Variants in VNN1 observed in about 807,000 individuals in gnomAD.
VNN1 encodes the protein pantetheinase.
A neutral mutation model predicts 41.9 loss-of-function variants in VNN1; 29 were observed. The observed-to-expected ratio is 0.69, with a 90% CI of 0.52 to 0.94. VNN1 has a LOEUF of 0.94. VNN1 is among the 40% of genes least tolerant of loss of function. The pLI is 0.00. For synonymous variants in VNN1, 233 were observed against 224.4 expected, an observed-to-expected ratio of 1.04 and a Z score of -0.34; for missense variants, 637 against 621.1, an observed-to-expected ratio of 1.03 and a Z score of -0.27.
chr6:132,685,463 C>T (rs897136199), intron 5 of VNN1, among the ~76,000 whole-genome samples: 10 of 152,178 alleles, frequency 6.6e-5, no homozygotes, highest in African/African-American at 2.4e-4. Context: ...GTAGAATGAA[C>T]ATATGCTTCA....
At chr6:132,705,982 G>T (rs888820249) in intron 2 of VNN1, among the ~76,000 whole-genome samples, 1 of 152,044 alleles carries the variant, frequency 6.6e-6, no homozygotes, top group Non-Finnish European at 1.5e-5. Flanking sequence ...CTACAATGAA[G>T]TCTGTAAAAC....
chr6:132,684,246 A>G lies in VNN1; in HGVS notation c.1359+89T>C, dbSNP rs1778173161. 18 of 1,321,896 alleles carry G rather than the reference A, an allele frequency of 1.4e-5. No homozygotes were observed. In the East Asian group the frequency reaches 4.5e-4, roughly 33 times the overall value. 81.9% of individuals were successfully genotyped at this position (1,321,896 alleles called of 1,614,324 possible). A position where few individuals can be genotyped will look rare whatever the true frequency, so the allele number is the denominator to read the frequency against. On this transcript the variant is annotated intron_variant, in intron 6 of 6. Transcript: ENST00000367928. ...CTTAACCTTTCTAAATGGAAATTTT[A>G]TGATATTTGTAAGCACTTGAGCAGA...
chr6:132,703,078 C>G (rs921125145), intron 2 of VNN1, among the ~76,000 whole-genome samples: 1 of 152,196 alleles, frequency 6.6e-6, no homozygotes, highest in Non-Finnish European at 1.5e-5. Flanking sequence ...TCCTCAATTC[C>G]AGGACTTAGC....
intron 2 of VNN1, among the ~76,000 whole-genome samples, chr6:132,699,842 C>T (rs1778426319): frequency 6.6e-6 from 1 of 152,188 alleles, no homozygotes; most frequent in South Asian, 2.1e-4. Context: ...GCATTTACTA[C>T]ACAGAAAATA....
chr6:132,703,305 G>C (rs957267275), intron 2 of VNN1, among the ~76,000 whole-genome samples: 26 of 152,004 alleles, frequency 1.7e-4, no homozygotes, highest in South Asian at 4.1e-4. Context: ...ATCTTGAGTA[G>C]AAAAACTAAA....
intron 2 of VNN1, among the ~76,000 whole-genome samples, chr6:132,698,515 A>C (rs112950417): frequency 6.6e-6 from 1 of 152,234 alleles, no homozygotes; most frequent in African/African-American, 2.4e-5. Flanking sequence ...TGAAGAAACA[A>C]TGTGTGCACA....
chr6:132,693,075 T>A lies in VNN1; in HGVS notation c.775A>T (p.Arg259Trp). The A allele has an allele frequency of 6.2e-7, 1 of 1,613,980 alleles. No homozygotes were observed. Among genetic ancestry groups the A allele is most frequent in the South Asian group, 1.1e-5 (1 of 91,068 alleles). Residue 259 changes from arginine (R) to tryptophan (W), a missense_variant, in exon 4 of 7, where the codon AGG (arginine) becomes TGG (tryptophan). By Grantham distance (101) the Arg-to-Trp change is moderately radical (BLOSUM62 -3). Coordinates refer to ENST00000367928, the MANE Select transcript of VNN1 (RefSeq NM_004666.3). The part of the protein sequence containing the change: ...EFHSAWAMGM[R>W]VNFLASNIHY... The stretch of plus-strand genomic sequence containing the variant: ...ATGTTGGATGCAAGGAAATTGACCC[T>A]CATGCCCATAGCCCAAGCTGAGTGG...
intron 5 of VNN1, among the ~76,000 whole-genome samples, chr6:132,689,574 T>G (rs530727538): frequency 4.6e-5 from 7 of 152,344 alleles, no homozygotes; most frequent in African/African-American, 1.7e-4. Context: ...AGATGTTCTC[T>G]TTTTAAATTT....
Position 132,692,350 on chromosome 6 carries a change from T to A in VNN1, c.1061A>T (p.Tyr354Phe), listed in dbSNP as rs977175403. Residue 354 changes from tyrosine to phenylalanine, a missense_variant, in exon 5 of 7, where the codon TAT becomes TTT. Coordinates refer to ENST00000367928, the MANE Select transcript of VNN1 (RefSeq NM_004666.3). Reference protein sequence around the residue: ...FVKLTGVAGNYTVCQKDLCCH... With the variant: ...FVKLTGVAGNFTVCQKDLCCH... Reference sequence around the variant, plus strand: ...GCAGAGATCTTTCTGACAAACTGTATAATTTCCTGCAACTCCTGTGAGCTT... The same window carrying A: ...GCAGAGATCTTTCTGACAAACTGTAAAATTTCCTGCAACTCCTGTGAGCTT... The A allele has an allele frequency of 1.1e-5, 17 of 1,614,096 alleles. No homozygotes were observed. In the Admixed American group the frequency reaches 2.0e-4, roughly 19 times the overall value.
Position 132,683,034 on chromosome 6 carries a change from A to G in VNN1, c.*106T>C, listed in dbSNP as rs1582765253. ...GTGTTTGTCTAAATAAAGAGAAACT[A>G]GTAATTCACTTATACTAGAGGATAA... is the stretch of plus-strand genomic sequence containing the variant. On this transcript the variant is annotated 3_prime_UTR_variant, in exon 7 of 7. Coordinates refer to ENST00000367928, the MANE Select transcript of VNN1 (RefSeq NM_004666.3). The G allele has an allele frequency of 1.0e-5, 9 of 904,136 alleles. No homozygotes were observed. In the East Asian group the frequency reaches 2.5e-4, roughly 25 times the overall value. The allele number at this position is 904,136 out of a possible 1,614,324, so 56.0% of individuals were successfully genotyped here.
At chr6:132,690,095 G>T (rs1285869126) in intron 5 of VNN1, among the ~76,000 whole-genome samples, 5 of 152,076 alleles carry the variant, frequency 3.3e-5, no homozygotes, top group Admixed American at 6.6e-5. Context: ...ACACAGTCTT[G>T]GTCCAGACCC....
At chr6:132,685,248 A>C (rs1410463150) in intron 5 of VNN1, among the ~76,000 whole-genome samples, 4 of 152,352 alleles carry the variant, frequency 2.6e-5, no homozygotes, top group Middle Eastern at 3.4e-3. Context: ...TATGTGAGTC[A>C]TCTCACCATG....
At chr6:132,700,262 T>C (rs1458612766) in intron 2 of VNN1, among the ~76,000 whole-genome samples, 2 of 152,194 alleles carry the variant, frequency 1.3e-5, no homozygotes, top group Non-Finnish European at 2.9e-5. Flanking sequence ...AGTAGTTATA[T>C]GCTTGGTCAC....
chr6:132,707,155 G>A (rs993924948), intron 2 of VNN1, among the ~76,000 whole-genome samples: 35 of 151,468 alleles, frequency 2.3e-4, no homozygotes, highest in Admixed American at 2.0e-3. Context: ...GAACCCAGGA[G>A]GCAGAGGTTG....
chr6:132,698,792 G>T, intron 2 of VNN1: 1 of 215,432 alleles, frequency 4.6e-6, no homozygotes. Flanking sequence ...GATGATAGAG[G>T]TACTGAAACC....
chr6:132,707,337 G>A (rs1249065112), intron 2 of VNN1, among the ~76,000 whole-genome samples: 1 of 152,050 alleles, frequency 6.6e-6, no homozygotes, highest in Admixed American at 6.6e-5. Flanking sequence ...CTCATACACT[G>A]TTAGTGGGAA....
rs1778638715 is a variant in VNN1 at position 132,714,021 on chromosome 6, C to A, written c.15G>T (p.Leu5Phe). 1 of 1,612,870 alleles carries A rather than the reference C, an allele frequency of 6.2e-7. No individual in the cohort carries two copies. The highest frequency in any genetic ancestry group is 2.2e-5 in the East Asian group (1 of 44,784). The change falls in exon 1 of 7, where the codon TTG becomes TTT. Residue 5 changes from leucine (L) to phenylalanine (F), a missense_variant. Leu to Phe is a conservative substitution (Grantham distance 22). Coordinates refer to ENST00000367928, the MANE Select transcript of VNN1 (RefSeq NM_004666.3). Reference sequence around the variant, plus strand: ...AAAGCAAAATTGCCACGTAAGCTGGCAACTGAGTAGTCATGCTGAAGTCCA... The same window carrying A: ...AAAGCAAAATTGCCACGTAAGCTGGAAACTGAGTAGTCATGCTGAAGTCCA... MTTQLPAYVAILLFY... is the reference protein window; with the variant it reads MTTQFPAYVAILLFY...
At chr6:132,711,591 T>C in intron 2 of VNN1, 118 bp downstream of exon 2, 1 of 1,207,926 alleles carries the variant, frequency 8.3e-7, no homozygotes, top group Non-Finnish European at 1.1e-6. Context: ...AGATGAAAAA[T>C]AAGCTATACT....
At position 132,682,847 on chromosome 6, in the gene VNN1, T is replaced by C. The variant is rs536840137; in HGVS notation, c.*293A>G. On this transcript the variant is annotated 3_prime_UTR_variant, in exon 7 of 7. Coordinates refer to ENST00000367928, the MANE Select transcript of VNN1 (RefSeq NM_004666.3). ...TAAGTAAATTTTATGATAGTTCTTA[T>C]GTTTTCTACCCGTAGTTTTTATTTC... 338 of 190,032 alleles carry C rather than the reference T, an allele frequency of 1.8e-3. 1 individual carries two copies. The highest frequency in any genetic ancestry group is 2.4e-3 in the Non-Finnish European group (227 of 93,980). The allele number at this position is 190,032 out of a possible 1,614,324, so 11.8% of individuals were successfully genotyped here.
Sources: allele counts gnomAD v4.1 joint callset (sites outside exome capture counted in the v4.1 genomes callset), GRCh38; gene constraint gnomAD v4.1.1; transcripts MANE v1.5; gene names NCBI Gene and HGNC (gene_info 2026-07-23, HGNC 2026-07-21).